Variants in KCNIP1 observed in about 807,000 individuals in gnomAD.
The protein encoded by KCNIP1 is potassium voltage-gated channel interacting protein 1.
A neutral mutation model predicts 33.0 loss-of-function variants in KCNIP1; 18 were observed. That is an observed-to-expected ratio of 0.55 (90% CI 0.38 to 0.81). KCNIP1 has a LOEUF of 0.81. Among genes scored for constraint, KCNIP1 ranks in the 30% least tolerant of loss-of-function variants. The pLI is 0.00. For synonymous variants in KCNIP1, 93 were observed against 98.3 expected, an observed-to-expected ratio of 0.95 and a Z score of 0.32; for missense variants, 238 against 271.6, an observed-to-expected ratio of 0.88 and a Z score of 0.87.
chr5:170,550,037 A>G (rs1426743965), intron 1 of KCNIP1, among the ~76,000 whole-genome samples: 1 of 152,212 alleles, frequency 6.6e-6, no homozygotes, highest in Non-Finnish European at 1.5e-5. Flanking sequence ...TTGTAGGAGC[A>G]TTGGACTGTC....
upstream of KCNIP1, among the ~76,000 whole-genome samples, chr5:170,503,406 A>G (rs1229351467): frequency 6.7e-6 from 1 of 148,864 alleles, no homozygotes; most frequent in African/African-American, 2.5e-5. Flanking sequence ...AAAAAAAAAA[A>G]AAAGAAAAAG....
At chr5:170,598,342 G>A (rs1275026438) in intron 1 of KCNIP1, among the ~76,000 whole-genome samples, 2 of 152,192 alleles carry the variant, frequency 1.3e-5, no homozygotes, top group Non-Finnish European at 2.9e-5. Context: ...AAAGGAGGTG[G>A]CAGGTCAGAG....
intron 1 of KCNIP1, among the ~76,000 whole-genome samples, chr5:170,490,550 G>T (rs1757184693): frequency 6.6e-6 from 1 of 152,134 alleles, no homozygotes; most frequent in Admixed American, 6.5e-5. Flanking sequence ...TCAGTTTTTT[G>T]ACTTTGACAT....
chr5:170,521,895 A>C (rs1199486097), intron 1 of KCNIP1, among the ~76,000 whole-genome samples: 2 of 152,342 alleles, frequency 1.3e-5, no homozygotes, highest in East Asian at 3.9e-4. Flanking sequence ...TCTTCCATGT[A>C]GTCACTCAGG....
intron 1 of KCNIP1, among the ~76,000 whole-genome samples, chr5:170,403,368 G>C (rs1298251652): frequency 1.3e-5 from 2 of 152,222 alleles, no homozygotes; most frequent in Non-Finnish European, 1.5e-5. Flanking sequence ...TTGTGAACAT[G>C]ATCTTCTTTT....
At chr5:170,685,761 T>C (rs1762517610) in intron 1 of KCNIP1, among the ~76,000 whole-genome samples, 1 of 152,166 alleles carries the variant, frequency 6.6e-6, no homozygotes, top group South Asian at 2.1e-4. Flanking sequence ...AGTGCTGGGA[T>C]TACAGGTGTG....
intron 1 of KCNIP1, among the ~76,000 whole-genome samples, chr5:170,527,519 G>T (rs961992423): frequency 6.6e-6 from 1 of 151,936 alleles, no homozygotes; most frequent in African/African-American, 2.4e-5. Context: ...GCAATCTATT[G>T]TGAGGACCTG....
chr5:170,606,775 T>C (rs1487470081), intron 1 of KCNIP1, among the ~76,000 whole-genome samples: 1 of 152,240 alleles, frequency 6.6e-6, no homozygotes, highest in African/African-American at 2.4e-5. Flanking sequence ...GTCCCTGCAG[T>C]GTCCCAGGCC....
intron 1 of KCNIP1, among the ~76,000 whole-genome samples, chr5:170,604,225 T>C (rs983496830): frequency 6.6e-6 from 1 of 152,112 alleles, no homozygotes; most frequent in African/African-American, 2.4e-5. Flanking sequence ...TCTCAGGTCC[T>C]CGCTATTAGG....
At chr5:170,682,540 TC>T (rs1237167730) in intron 1 of KCNIP1, among the ~76,000 whole-genome samples, 1 of 152,174 alleles carries the variant, frequency 6.6e-6, no homozygotes, top group Admixed American at 6.5e-5. Flanking sequence ...GAAAACTTTT[TC>T]TTCCTTAAAA....
intron 1 of KCNIP1, among the ~76,000 whole-genome samples, chr5:170,429,756 T>C (rs1278301853): frequency 6.6e-6 from 1 of 152,222 alleles, no homozygotes; most frequent in Non-Finnish European, 1.5e-5. Context: ...CTTAAGATAA[T>C]GAATTCCAGT....
At chr5:170,406,636 C>A (rs572435990) in intron 1 of KCNIP1, among the ~76,000 whole-genome samples, 1 of 152,306 alleles carries the variant, frequency 6.6e-6, no homozygotes, top group African/African-American at 2.4e-5. Flanking sequence ...CCCTCATACC[C>A]AGGAAAGCGG....
At chr5:170,464,626 T>C (rs1115192) in intron 1 of KCNIP1, among the ~76,000 whole-genome samples, 32,554 of 152,052 alleles carry the variant, frequency 0.21, 3,745 homozygotes, top group South Asian at 0.35. Context: ...CAAAGAAATA[T>C]GGGGAATTGC....
chr5:170,598,293 A>G (rs1758536693), intron 1 of KCNIP1, among the ~76,000 whole-genome samples: 1 of 152,118 alleles, frequency 6.6e-6, no homozygotes, highest in South Asian at 2.1e-4. Flanking sequence ...TCCCTCTCTG[A>G]TAGATCACCA....
intron 1 of KCNIP1, among the ~76,000 whole-genome samples, chr5:170,392,521 G>C (rs1401990417): frequency 6.6e-6 from 1 of 152,170 alleles, no homozygotes; most frequent in Non-Finnish European, 1.5e-5. Flanking sequence ...TTACAGGAGA[G>C]TTTAGAAATG....
intron 1 of KCNIP1, among the ~76,000 whole-genome samples, chr5:170,465,099 T>G (rs1303898677): frequency 6.6e-6 from 1 of 152,296 alleles, no homozygotes; most frequent in East Asian, 1.9e-4. Context: ...ACATGAGCAC[T>G]GGGACATGCT....
intron 1 of KCNIP1, among the ~76,000 whole-genome samples, chr5:170,608,080 C>A (rs1285926705): frequency 6.6e-6 from 1 of 152,190 alleles, no homozygotes; most frequent in East Asian, 1.9e-4. Flanking sequence ...AAGGTAGGCA[C>A]TAGAACTTGA....
rs577928026 is a variant in KCNIP1, at chr5:170,386,091, C to G, written c.88+32127C>G. On this transcript the variant is annotated intron_variant, in intron 1 of 7. Coordinates refer to the KCNIP1 transcript ENST00000377360. ...CAGTGAGCAGAGATGCGCCACTGCA[C>G]TCCAGCCTGGGCAACAAAGCAAGAC... 1.7e-4 allele frequency among the ~76,000 whole-genome samples: 25 copies of G among 151,204 alleles called. No individual in the cohort carries two copies. The East Asian group carries it at 4.9e-3, about 30-fold the overall frequency.
chr5:170,609,505 T>C (rs997303685), intron 1 of KCNIP1, among the ~76,000 whole-genome samples: 11 of 152,146 alleles, frequency 7.2e-5, no homozygotes, highest in Non-Finnish European at 8.8e-5. Flanking sequence ...TTATTTTTTG[T>C]GCAATTTCAC....
Sources: allele counts gnomAD v4.1 joint callset (sites outside exome capture counted in the v4.1 genomes callset), GRCh38; gene constraint gnomAD v4.1.1; transcripts MANE v1.5; gene names NCBI Gene and HGNC (gene_info 2026-07-23, HGNC 2026-07-21).